TRIM36: variants seen among roughly 807,000 people sequenced by gnomAD.
TRIM36 encodes E3 ubiquitin-protein ligase TRIM36.
Under a neutral mutation model 72.4 loss-of-function variants are expected in TRIM36, and 42 were observed. That is an observed-to-expected ratio of 0.58 (90% CI 0.45 to 0.75). The LOEUF (loss-of-function observed/expected upper bound fraction) is 0.75. TRIM36 is among the 30% of genes least tolerant of loss of function. The pLI, the probability that TRIM36 is intolerant of heterozygous loss-of-function variation, is 0.00. For synonymous variants in TRIM36, 315 were observed against 282.8 expected (o/e 1.11, Z -1.14); for missense variants, 913 against 857.1 (o/e 1.07, Z -0.81).
At chr5:115,157,495 C>T (rs1325574869) in intron 2 of TRIM36, among the ~76,000 whole-genome samples, 5 of 151,798 alleles carry the variant, frequency 3.3e-5, no homozygotes, top group Non-Finnish European at 4.4e-5. Context: ...ACCTGGTGGG[C>T]GGAGGTTCCA....
At chr5:115,131,564 CAG>C (rs1275064195) in intron 8 of TRIM36, among the ~76,000 whole-genome samples, 1 of 152,090 alleles carries the variant, frequency 6.6e-6, no homozygotes, top group Non-Finnish European at 1.5e-5. Context: ...GGGGAAACAA[CAG>C]AAAGTCCATC....
chr5:115,162,377 T>A (rs538397903), intron 2 of TRIM36, among the ~76,000 whole-genome samples: 1 of 152,352 alleles, frequency 6.6e-6, no homozygotes, highest in East Asian at 1.9e-4. Context: ...GCACTCTCTG[T>A]ACAAATCCTG....
At chr5:115,150,930 G>A (rs1445685507) in intron 2 of TRIM36, among the ~76,000 whole-genome samples, 1 of 152,228 alleles carries the variant, frequency 6.6e-6, no homozygotes, top group Non-Finnish European at 1.5e-5. Flanking sequence ...CCTCACAGGG[G>A]TCCTTCCGGA....
chr5:115,144,999 C>T (rs373811337), intron 3 of TRIM36, among the ~76,000 whole-genome samples: 2 of 152,050 alleles, frequency 1.3e-5, no homozygotes, highest in Admixed American at 6.6e-5. Flanking sequence ...TGCCTGATCT[C>T]GTCATAATAT....
At chr5:115,133,474 G>T (rs1752798444) in intron 8 of TRIM36, among the ~76,000 whole-genome samples, 1 of 152,030 alleles carries the variant, frequency 6.6e-6, no homozygotes. Context: ...TATATTTTAG[G>T]ATATTAGACC....
intron 1 of TRIM36, among the ~76,000 whole-genome samples, chr5:115,165,061 G>A (rs921718805): frequency 2.6e-5 from 4 of 152,226 alleles, no homozygotes; most frequent in Admixed American, 6.5e-5. Flanking sequence ...TTCAGGGTAC[G>A]CTGATCCAAA....
At chr5:115,153,026 C>T (rs938129375) in intron 2 of TRIM36, among the ~76,000 whole-genome samples, 1 of 151,918 alleles carries the variant, frequency 6.6e-6, no homozygotes, top group Non-Finnish European at 1.5e-5. Flanking sequence ...TGAAATGGTA[C>T]CTCATATCTC....
At chr5:115,170,673 T>G (rs2126949737), upstream of TRIM36, among the ~76,000 whole-genome samples, 1 of 152,370 alleles carries the variant, frequency 6.6e-6, no homozygotes, top group African/African-American at 2.4e-5. Context: ...CCGCACGTTC[T>G]TGCCCAGTAG....
At chr5:115,166,777 T>A (rs938403162) in intron 1 of TRIM36, among the ~76,000 whole-genome samples, 2 of 152,166 alleles carry the variant, frequency 1.3e-5, no homozygotes, top group Non-Finnish European at 2.9e-5. Context: ...GACATCCTCT[T>A]TGTGGCTCTG....
intron 1 of TRIM36, among the ~76,000 whole-genome samples, chr5:115,179,519 C>T (rs986463776): frequency 6.6e-6 from 1 of 152,256 alleles, no homozygotes; most frequent in African/African-American, 2.4e-5. Flanking sequence ...TGCGGGCTGA[C>T]CCTGATCGCA....
chr5:115,133,062 T>C (rs190553751), intron 8 of TRIM36, among the ~76,000 whole-genome samples: 3 of 152,146 alleles, frequency 2.0e-5, no homozygotes, highest in Admixed American at 1.3e-4. Context: ...GTGAAGAAAA[T>C]ATGGGTACAT....
intron 2 of TRIM36, among the ~76,000 whole-genome samples, chr5:115,157,523 C>T (rs1479511571): frequency 6.6e-6 from 1 of 151,994 alleles, no homozygotes; most frequent in African/African-American, 2.4e-5. Flanking sequence ...AAGATCACGC[C>T]ATTGCACTCC....
intron 8 of TRIM36, among the ~76,000 whole-genome samples, chr5:115,132,208 A>G (rs7713798): frequency 0.68 from 95,553 of 139,516 alleles, 34,005 homozygotes; most frequent in Non-Finnish European, 0.81. Context: ...GTGTGTGTAT[A>G]TATATATATA....
intron 9 of TRIM36, among the ~76,000 whole-genome samples, chr5:115,128,261 C>T (rs1446292149): frequency 4.0e-5 from 6 of 150,528 alleles, no homozygotes; most frequent in Non-Finnish European, 5.9e-5. Context: ...CCCAGCTAGT[C>T]GGGAGGCTGA....
intron 2 of TRIM36, chr5:115,148,278 T>G (rs1753699262): frequency 1.1e-6 from 1 of 907,286 alleles, no homozygotes; most frequent in Non-Finnish European, 1.3e-6. Flanking sequence ...CATCACATTT[T>G]TGTTCAGTAT....
At chr5:115,156,919 C>T (rs1426120678) in intron 2 of TRIM36, among the ~76,000 whole-genome samples, 2 of 152,180 alleles carry the variant, frequency 1.3e-5, no homozygotes, top group African/African-American at 4.8e-5. Context: ...ATCTATACAT[C>T]TGACAAAGGA....
chr5:115,179,594 G>T (rs1446563442), intron 1 of TRIM36, among the ~76,000 whole-genome samples: 1 of 152,078 alleles, frequency 6.6e-6, no homozygotes, highest in Non-Finnish European at 1.5e-5. Flanking sequence ...GGCAGGCGAG[G>T]TCACCCACTC....
At chr5:115,144,928 C>A (rs1753499445) in intron 3 of TRIM36, among the ~76,000 whole-genome samples, 184 bp from the exon 4 acceptor site, 1 of 152,172 alleles carries the variant, frequency 6.6e-6, no homozygotes, top group South Asian at 2.1e-4. Context: ...TACTATTTTT[C>A]AATTTGAGGG....
intron 2 of TRIM36, among the ~76,000 whole-genome samples, chr5:115,150,542 T>C (rs748120770): frequency 1.3e-5 from 2 of 152,176 alleles, no homozygotes; most frequent in African/African-American, 2.4e-5. Context: ...TGAAGGACTA[T>C]AACTAGAGGA....
Sources: allele counts gnomAD v4.1 joint callset (sites outside exome capture counted in the v4.1 genomes callset), GRCh38; gene constraint gnomAD v4.1.1; transcripts MANE v1.5; gene names NCBI Gene and HGNC (gene_info 2026-07-23, HGNC 2026-07-21).